The following GAGE12E variants were observed in gnomAD, a reference collection of about 807,000 sequenced individuals.
The protein encoded by GAGE12E is G antigen 12E, also known as G antigen 12B/C/D/E.
In GAGE12E at chrX:49,557,415, G is replaced by A. The variant is rs868925296; in HGVS notation, c.332-1118G>A. On this transcript the variant is annotated intron_variant, in intron 4 of 4. Coordinates refer to ENST00000381698, the MANE Select transcript of GAGE12E (RefSeq NM_001098418.3). ...TTTAAGTTTTAGGGTACATGTGCAC[G>A]TTGTGCAGGTTAGTTACATATGTAT... Among the ~76,000 whole-genome samples the A allele has an allele frequency of 6.9e-5, 5 of 72,252 alleles. 1 individual carries two copies. The highest frequency in any genetic ancestry group is 3.8e-4 in the East Asian group (1 of 2,617). The allele number at this position is 72,252 out of a possible 115,157, so 62.7% of individuals were successfully genotyped here.
intron 4 of GAGE12E, among the ~76,000 whole-genome samples, chrX:49,557,320 C>T (rs1466482388): frequency 1.3e-5 from 1 of 76,819 alleles, no homozygotes; most frequent in African/African-American, 3.8e-5. Context: ...TTTTAATGAA[C>T]AATTGCTTCT....
intron 4 of GAGE12E, among the ~76,000 whole-genome samples, chrX:49,557,035 C>T (rs1557129065): frequency 7.6e-5 from 2 of 26,212 alleles, no homozygotes; most frequent in Non-Finnish European, 2.0e-4. Context: ...GAGCTGAATA[C>T]GTAGTGTAAG....
intron 4 of GAGE12E, among the ~76,000 whole-genome samples, chrX:49,557,230 C>T: frequency 2.4e-5 from 1 of 41,859 alleles, no homozygotes; most frequent in African/African-American, 6.6e-5. Context: ...GCACAAGCCA[C>T]CGTGCCTGAC....
At chrX:49,557,544 C>T (rs1289152548) in intron 4 of GAGE12E, among the ~76,000 whole-genome samples, 13 of 42,264 alleles carry the variant, frequency 3.1e-4, no homozygotes, top group African/African-American at 8.3e-4. Context: ...CAACAGTCCC[C>T]AGGGTGTGAT....
chrX:49,557,212 A>G lies in GAGE12E; in HGVS notation c.331+1151A>G, dbSNP rs1282568432. On this transcript the variant is annotated intron_variant, in intron 4 of 4. Transcript: ENST00000381698. The stretch of plus-strand genomic sequence containing the variant: ...CCACCTCAGCCTCCCGAGTGGCTGG[A>G]ACTACATGCACAAGCCACCGTGCCT... 1.0e-3 allele frequency among the ~76,000 whole-genome samples: 46 copies of G among 45,208 alleles called. 1 individual carries two copies. Among genetic ancestry groups the G allele is most frequent in the African/African-American group, 2.7e-3 (45 of 16,376 alleles). The allele number at this position is 45,208 out of a possible 115,157, so 39.3% of individuals were successfully genotyped here. A position where few individuals can be genotyped will look rare whatever the true frequency, so the allele number is the denominator to read the frequency against.
chrX:49,557,514 TC>T (rs2066556594), intron 4 of GAGE12E, among the ~76,000 whole-genome samples: 2 of 38,210 alleles, frequency 5.2e-5, no homozygotes, highest in Admixed American at 2.5e-4. Context: ...GTGCTATCCC[TC>T]CCCCCTCCCC....
intron 4 of GAGE12E, among the ~76,000 whole-genome samples, chrX:49,557,226 G>A (rs2066554671): frequency 2.4e-5 from 1 of 42,478 alleles, no homozygotes; most frequent in Non-Finnish European, 5.6e-5. Context: ...ACATGCACAA[G>A]CCACCGTGCC....
chrX:49,557,466 C>T (rs2066556363), intron 4 of GAGE12E, among the ~76,000 whole-genome samples: 1 of 47,318 alleles, frequency 2.1e-5, no homozygotes, highest in African/African-American at 5.9e-5. Flanking sequence ...GTGCGCTGCA[C>T]CCACTATCTC....
chrX:49,557,393 A>T (rs2066555879), intron 4 of GAGE12E, among the ~76,000 whole-genome samples: 1 of 77,273 alleles, frequency 1.3e-5, no homozygotes, highest in Admixed American at 1.3e-4. Context: ...ATTATACTTT[A>T]AGTTTTAGGG....
At chrX:49,557,388 A>C (rs1718396274) in intron 4 of GAGE12E, among the ~76,000 whole-genome samples, 1 of 77,539 alleles carries the variant, frequency 1.3e-5, no homozygotes, top group Non-Finnish European at 3.1e-5. Context: ...TTATCATTAT[A>C]CTTTAAGTTT....
At chrX:49,557,358 T>C (rs1333417840) in intron 4 of GAGE12E, among the ~76,000 whole-genome samples, 1 of 80,866 alleles carries the variant, frequency 1.2e-5, no homozygotes, top group African/African-American at 3.6e-5. Context: ...ATTTATTTAT[T>C]TATTTATTTA....
At chrX:49,557,339 C>A (rs1196538830) in intron 4 of GAGE12E, among the ~76,000 whole-genome samples, 1 of 80,111 alleles carries the variant, frequency 1.2e-5, no homozygotes, top group Non-Finnish European at 3.0e-5. Flanking sequence ...CTTTTTTTTT[C>A]TTTTATTTAT....
chrX:49,557,339 C>T, intron 4 of GAGE12E, among the ~76,000 whole-genome samples: 1 of 80,115 alleles, frequency 1.2e-5, no homozygotes, highest in African/African-American at 3.6e-5. Context: ...CTTTTTTTTT[C>T]TTTTATTTAT....
intron 4 of GAGE12E, among the ~76,000 whole-genome samples, chrX:49,557,280 A>G (rs2066554969): frequency 1.4e-5 from 1 of 69,667 alleles, no homozygotes; most frequent in Non-Finnish European, 3.4e-5. Flanking sequence ...ATGAGGTCTC[A>G]CTGTGTTGCC....
chrX:49,557,007 C>G (rs1478473300), intron 4 of GAGE12E, among the ~76,000 whole-genome samples: 1 of 16,661 alleles, frequency 6.0e-5, no homozygotes, highest in African/African-American at 1.7e-4. Context: ...CTGCTTCATC[C>G]TAGTTTTTCC....
intron 4 of GAGE12E, among the ~76,000 whole-genome samples, chrX:49,557,398 T>G (rs1204411190): frequency 7.7e-5 from 6 of 78,410 alleles, no homozygotes; most frequent in Admixed American, 6.4e-4. Flanking sequence ...ACTTTAAGTT[T>G]TAGGGTACAT....
At chrX:49,557,296 A>G (rs1393873035) in intron 4 of GAGE12E, among the ~76,000 whole-genome samples, 2 of 72,008 alleles carry the variant, frequency 2.8e-5, no homozygotes, top group Non-Finnish European at 6.7e-5. Flanking sequence ...TTGCCCAGGC[A>G]GGGTTTCTCT....
chrX:49,557,379 T>A (rs1471263859), intron 4 of GAGE12E, among the ~76,000 whole-genome samples: 1 of 80,811 alleles, frequency 1.2e-5, no homozygotes, highest in African/African-American at 3.6e-5. Context: ...TTTATTTATT[T>A]ATCATTATAC....
At chrX:49,557,084 T>C (rs2066554266) in intron 4 of GAGE12E, among the ~76,000 whole-genome samples, 1 of 42,018 alleles carries the variant, frequency 2.4e-5, no homozygotes, top group Non-Finnish European at 5.9e-5. Context: ...TCTTGGTTTG[T>C]TTGTTTGTTT....
Sources: gnomAD v4.1 joint callset for allele counts (sites outside exome capture counted in the v4.1 genomes callset) on GRCh38, gnomAD v4.1.1 for gene constraint, MANE v1.5 for transcripts, NCBI Gene and HGNC (gene_info 2026-07-23, HGNC 2026-07-21) for gene names.